Variants in IL23R observed in about 807,000 individuals in gnomAD.
The protein encoded by IL23R is interleukin 23 receptor, also known as interleukin-23 receptor.
IL23R carries 34 observed loss-of-function variants against 56.9 expected under a neutral mutation model. The observed-to-expected ratio is 0.60, with a 90% CI of 0.45 to 0.80. The LOEUF is 0.80. IL23R is among the 30% of genes least tolerant of loss of function. The probability of loss-of-function intolerance (pLI) is 0.00; values close to 1 mark genes in which losing one functional copy is unlikely to be tolerated. For missense variants in IL23R, 635 were observed against 730.0 expected (o/e 0.87, Z 1.50); for synonymous variants, 230 against 249.2 (o/e 0.92, Z 0.73).
upstream of IL23R, among the ~76,000 whole-genome samples, chr1:67,163,723 G>A (rs761126470): frequency 1.4e-4 from 22 of 152,156 alleles, no homozygotes; most frequent in Admixed American, 3.9e-4. Flanking sequence ...TCCATGTGAT[G>A]CACCTGCTCC....
At chr1:67,177,570 C>T (rs1035221798) in intron 3 of IL23R, among the ~76,000 whole-genome samples, 7 of 151,656 alleles carry the variant, frequency 4.6e-5, no homozygotes, top group African/African-American at 9.7e-5. Context: ...CTGTAGGTTG[C>T]CTGTTCACTC....
At chr1:67,199,208 G>C (rs1376557036) in intron 4 of IL23R, among the ~76,000 whole-genome samples, 1 of 152,128 alleles carries the variant, frequency 6.6e-6, no homozygotes, top group Non-Finnish European at 1.5e-5. Context: ...TCCACTACAA[G>C]TTTCTTCTTG....
intron 5 of IL23R, among the ~76,000 whole-genome samples, chr1:67,205,917 T>TTCTTTCTTTCTTTCTTTC: frequency 6.9e-6 from 1 of 144,964 alleles, no homozygotes. Context: ...CTTTCTTTCT[T>TTCTTTCTTTCTTTCTTTC]TCTTTCTTTT....
rs534595338 is a variant in IL23R, at chr1:67,237,134, C to G, written c.1045+332C>G. Among the ~76,000 whole-genome samples, 31 of 152,264 alleles carry G rather than the reference C, an allele frequency of 2.0e-4. No individual in the cohort carries two copies. The South Asian group carries it at 5.8e-3, about 28-fold the overall frequency. On this transcript the variant is annotated intron_variant, in intron 8 of 10. Coordinates refer to ENST00000347310, the MANE Select transcript of IL23R (RefSeq NM_144701.3). Reference sequence around the variant, plus strand: ...CTCGGCTCACTGCAACCTCCGCCTCCCAGGTTCAAGCGATTCTGCTGCCTC... The same window carrying G: ...CTCGGCTCACTGCAACCTCCGCCTCGCAGGTTCAAGCGATTCTGCTGCCTC...
At chr1:67,145,070 GC>G (rs1646667771) in intron 1 of IL23R, among the ~76,000 whole-genome samples, 1 of 152,122 alleles carries the variant, frequency 6.6e-6, no homozygotes, top group Admixed American at 6.6e-5. Context: ...ATAATAGGCG[GC>G]TGGTGGCTCA....
At chr1:67,242,935 G>A (rs994767394) in intron 9 of IL23R, among the ~76,000 whole-genome samples, 4 of 152,132 alleles carry the variant, frequency 2.6e-5, no homozygotes, top group African/African-American at 4.8e-5. Flanking sequence ...TGTACCTGAA[G>A]CTTTGATTGT....
chr1:67,170,353 T>C (rs1646927958), intron 3 of IL23R, among the ~76,000 whole-genome samples: 1 of 152,234 alleles, frequency 6.6e-6, no homozygotes, highest in South Asian at 2.1e-4. Flanking sequence ...CAGTCCTCTG[T>C]TCCTAATCTC....
chr1:67,164,646 TAAA>T (rs1646854475), upstream of IL23R, among the ~76,000 whole-genome samples: 5 of 149,170 alleles, frequency 3.4e-5, no homozygotes, highest in African/African-American at 1.2e-4. Context: ...TAAAATAAAA[TAAA>T]ATAAAATAAA....
chr1:67,157,513 G>A (rs1356844548), intron 1 of IL23R, among the ~76,000 whole-genome samples: 7 of 152,110 alleles, frequency 4.6e-5, no homozygotes, highest in East Asian at 3.9e-4. Flanking sequence ...CTGCAGTTAC[G>A]TCTCTGACCC....
At chr1:67,251,169 G>A (rs1057510170) in intron 9 of IL23R, among the ~76,000 whole-genome samples, 4 of 152,082 alleles carry the variant, frequency 2.6e-5, no homozygotes, top group Non-Finnish European at 5.9e-5. Context: ...AGACATAAAT[G>A]TGGCCAGGCG....
At chr1:67,167,196 G>T (rs1244040961) in intron 1 of IL23R, among the ~76,000 whole-genome samples, 5 of 152,026 alleles carry the variant, frequency 3.3e-5, no homozygotes, top group Non-Finnish European at 7.4e-5. Context: ...TTCACCTCCC[G>T]GGTAGCTGGG....
intron 7 of IL23R, among the ~76,000 whole-genome samples, chr1:67,228,363 C>CTTTTTTTTTTTTTTTTTTT (rs78083258): frequency 6.6e-5 from 7 of 105,784 alleles, no homozygotes; most frequent in African/African-American, 1.0e-4. Flanking sequence ...TTTTTTCTTC[C>CTTTTTTTTTTTTTTTTTTT]TTTTTTTTTT....
intron 4 of IL23R, among the ~76,000 whole-genome samples, chr1:67,195,182 G>C (rs1479663348): frequency 6.6e-6 from 1 of 152,114 alleles, no homozygotes; most frequent in Non-Finnish European, 1.5e-5. Flanking sequence ...ACAGGTGCCT[G>C]CCACCACACC....
At chr1:67,265,033 T>G in the IL23R span, among the ~76,000 whole-genome samples, 1 of 152,192 alleles carries the variant, frequency 6.6e-6, no homozygotes, top group Non-Finnish European at 1.5e-5. Flanking sequence ...AAAATGCTGT[T>G]TCTAACCATA....
rs368330967 is a variant in IL23R at position 67,229,532 on chromosome 1, A to C, written c.956-7181A>C. Among the ~76,000 whole-genome samples the C allele has an allele frequency of 9.2e-5, 14 of 152,244 alleles. No homozygotes were observed. The East Asian group carries it at 1.7e-3, about 19-fold the overall frequency. On this transcript the variant is annotated intron_variant, in intron 7 of 10. Coordinates refer to ENST00000347310, the MANE Select transcript of IL23R (RefSeq NM_144701.3). The stretch of plus-strand genomic sequence containing the variant: ...CCATTGGCCATTGGTGATCAACTTA[A>C]TCTTCATCCCCTCTCCCCTCTGGGA...
At chr1:67,193,443 A>G (rs1647893340) in intron 4 of IL23R, among the ~76,000 whole-genome samples, 1 of 152,224 alleles carries the variant, frequency 6.6e-6, no homozygotes, top group Non-Finnish European at 1.5e-5. Context: ...GTGTTAAATA[A>G]ATATTTATTG....
chr1:67,232,786 C>T (rs1413350061), intron 7 of IL23R, among the ~76,000 whole-genome samples: 1 of 152,110 alleles, frequency 6.6e-6, no homozygotes, highest in Non-Finnish European at 1.5e-5. Context: ...CCACCCAAAT[C>T]TCATCTTGAA....
chr1:67,249,191 A>C (rs771970324), intron 9 of IL23R, among the ~76,000 whole-genome samples: 2 of 152,202 alleles, frequency 1.3e-5, no homozygotes, highest in Non-Finnish European at 2.9e-5. Flanking sequence ...TTGGTATTTA[A>C]TTAATTTTTG....
chr1:67,195,735 TAGAG>T (rs532982416), intron 4 of IL23R, among the ~76,000 whole-genome samples: 103 of 152,272 alleles, frequency 6.8e-4, no homozygotes, highest in Middle Eastern at 6.8e-3. Context: ...CTATCAGCCT[TAGAG>T]AGATTCCTTG....
Sources: allele counts gnomAD v4.1 joint callset (sites outside exome capture counted in the v4.1 genomes callset), GRCh38; gene constraint gnomAD v4.1.1; transcripts MANE v1.5; gene names NCBI Gene and HGNC (gene_info 2026-07-23, HGNC 2026-07-21).